CNTN5: variants seen among roughly 807,000 people sequenced by gnomAD.
CNTN5 encodes the protein contactin 5.
In CNTN5, 77 loss-of-function variants were observed where a neutral mutation model predicts 129.1. The observed-to-expected ratio is 0.60, with a 90% CI of 0.50 to 0.72. The LOEUF is 0.72. Ranked by LOEUF, CNTN5 falls within the 30% of genes least tolerant of loss-of-function variation. The pLI is 0.00. For synonymous variants in CNTN5, 509 were observed against 465.6 expected (o/e 1.09, Z -1.20); for missense variants, 1,478 against 1,328.8 (o/e 1.11, Z -1.75).
intron 3 of CNTN5, among the ~76,000 whole-genome samples, chr11:99,632,120 A>T (rs1450798109): frequency 2.6e-5 from 4 of 152,038 alleles, no homozygotes; most frequent in Non-Finnish European, 5.9e-5. Context: ...ATAAGTGGGG[A>T]TACTGTATCT....
chr11:99,791,973 T>C (rs2135438555), intron 3 of CNTN5, among the ~76,000 whole-genome samples: 1 of 152,318 alleles, frequency 6.6e-6, no homozygotes, highest in South Asian at 2.1e-4. Flanking sequence ...GAAACTTTGC[T>C]AACATTGTTT....
intron 9 of CNTN5, among the ~76,000 whole-genome samples, chr11:100,040,548 T>C (rs1313250885): frequency 6.6e-6 from 1 of 152,212 alleles, no homozygotes; most frequent in East Asian, 1.9e-4. Flanking sequence ...TTTTTGTTTG[T>C]CTGTGCCCTG....
chr11:99,077,473 G>A (rs1865625118), intron 1 of CNTN5, among the ~76,000 whole-genome samples: 1 of 152,140 alleles, frequency 6.6e-6, no homozygotes, highest in South Asian at 2.1e-4. Flanking sequence ...TATTACAGTG[G>A]TCCTTAGTGA....
intron 21 of CNTN5, chr11:100,309,703 T>A (rs767269105): frequency 3.0e-6 from 3 of 984,906 alleles, no homozygotes; most frequent in Non-Finnish European, 3.6e-6. Context: ...AATGAATAAA[T>A]GTTTGTGTGG....
intron 7 of CNTN5, among the ~76,000 whole-genome samples, chr11:99,926,630 C>A (rs1455198198): frequency 6.6e-6 from 1 of 152,012 alleles, no homozygotes; most frequent in Non-Finnish European, 1.5e-5. Flanking sequence ...TAGTAAGATA[C>A]CATGATACTC....
chr11:99,102,246 C>T (rs1303234292), intron 1 of CNTN5, among the ~76,000 whole-genome samples: 1 of 151,902 alleles, frequency 6.6e-6, no homozygotes, highest in Non-Finnish European at 1.5e-5. Flanking sequence ...TCATAGGCCT[C>T]TTGGTCAGTG....
intron 3 of CNTN5, among the ~76,000 whole-genome samples, chr11:99,614,996 T>C (rs1950716098): frequency 6.7e-6 from 1 of 150,372 alleles, no homozygotes; most frequent in African/African-American, 2.4e-5. Context: ...GACAGATAAA[T>C]ATAGAAGTAA....
chr11:99,520,195 A>G (rs1280570969), intron 2 of CNTN5, among the ~76,000 whole-genome samples: 1 of 152,118 alleles, frequency 6.6e-6, no homozygotes, highest in Non-Finnish European at 1.5e-5. Flanking sequence ...ATTTACATAC[A>G]GCTATTGAAA....
chr11:99,403,148 A>G (rs1017783794), intron 2 of CNTN5, among the ~76,000 whole-genome samples: 18 of 151,010 alleles, frequency 1.2e-4, no homozygotes, highest in African/African-American at 4.1e-4. Context: ...CTGGGACTAC[A>G]GGCGCCTACC....
chr11:99,958,526 C>G (rs1950860603), intron 8 of CNTN5, among the ~76,000 whole-genome samples: 1 of 152,024 alleles, frequency 6.6e-6, no homozygotes, highest in Admixed American at 6.6e-5. Flanking sequence ...GATACATATT[C>G]CTAATACCCA....
At chr11:100,120,893 A>ATAAG (rs1168915076) in intron 13 of CNTN5, among the ~76,000 whole-genome samples, 5 of 152,040 alleles carry the variant, frequency 3.3e-5, no homozygotes, top group Admixed American at 1.3e-4. Context: ...TTTTTAACAC[A>ATAAG]TAAGTAATTC....
chr11:99,387,873 C>A (rs1002620991), intron 2 of CNTN5, among the ~76,000 whole-genome samples: 5 of 152,228 alleles, frequency 3.3e-5, no homozygotes, highest in South Asian at 2.1e-4. Flanking sequence ...ACATTGGAAT[C>A]AGTTACAGAG....
intron 9 of CNTN5, among the ~76,000 whole-genome samples, chr11:100,060,967 A>C (rs1021096666): frequency 2.3e-5 from 2 of 85,758 alleles, no homozygotes; most frequent in Non-Finnish European, 4.7e-5. Context: ...ATAAATCATA[A>C]TTGGTTACAA....
rs573132603 is a variant in CNTN5 at position 99,387,006 on chromosome 11, G to C, written c.-71+61522G>C. On this transcript the variant is annotated intron_variant, in intron 2 of 24. Transcript: ENST00000524871. ...TGAAAATTTCATTTATTTAATACTT[G>C]TTGGTCATTTTATAAAATGTTAATT... Among the ~76,000 whole-genome samples the C allele has an allele frequency of 6.6e-5, 10 of 152,118 alleles. No homozygotes were observed. In the South Asian group the frequency reaches 1.7e-3, roughly 25 times the overall value.
intron 3 of CNTN5, among the ~76,000 whole-genome samples, chr11:99,690,991 G>A (rs1954017932): frequency 1.3e-5 from 2 of 151,906 alleles, no homozygotes; most frequent in East Asian, 1.9e-4. Flanking sequence ...TCTTGGGAGG[G>A]TGTATGTATC....
chr11:99,349,722 C>T (rs1420235976), intron 2 of CNTN5, among the ~76,000 whole-genome samples: 1 of 152,016 alleles, frequency 6.6e-6, no homozygotes, highest in African/African-American at 2.4e-5. Context: ...AACTGGAAAA[C>T]TTGTGATAAA....
chr11:100,070,397 C>T (rs937610218), intron 10 of CNTN5, 27 bp from the exon 11 acceptor site: 3 of 1,589,986 alleles, frequency 1.9e-6, no homozygotes, highest in African/African-American at 1.3e-5. Context: ...ATGAAATCAT[C>T]CTTGTTTACT....
chr11:99,482,180 C>A (rs1425880301), intron 2 of CNTN5, among the ~76,000 whole-genome samples: 1 of 152,130 alleles, frequency 6.6e-6, no homozygotes, highest in Non-Finnish European at 1.5e-5. Context: ...CTTTCCCTTT[C>A]AGATACTGAG....
intron 3 of CNTN5, among the ~76,000 whole-genome samples, chr11:99,654,818 A>G (rs1430804800): frequency 6.6e-6 from 1 of 152,090 alleles, no homozygotes; most frequent in African/African-American, 2.4e-5. Flanking sequence ...ACCTTAAATA[A>G]AAGTTTTGTA....
Sources: allele counts gnomAD v4.1 joint callset (sites outside exome capture counted in the v4.1 genomes callset), GRCh38; gene constraint gnomAD v4.1.1; transcripts MANE v1.5; gene names NCBI Gene and HGNC (gene_info 2026-07-23, HGNC 2026-07-21).